The following FLG variants were observed in gnomAD, a reference collection of about 807,000 sequenced individuals.
FLG encodes the protein epidermal filaggrin.
A neutral mutation model predicts 3.8 loss-of-function variants in FLG; 6 were observed. The ratio of observed to expected loss-of-function variants is 1.60; its 90% CI spans 0.87 to 3.15. FLG has a LOEUF of 3.15. FLG is among the 30% of genes most tolerant of loss of function. The pLI, the probability that FLG is intolerant of heterozygous loss-of-function variation, is 0.00. For synonymous variants in FLG, 2,551 were observed against 1,931.6 expected, an observed-to-expected ratio of 1.32 and a Z score of -8.41; for missense variants, 7,595 against 5,050.9, an observed-to-expected ratio of 1.50 and a Z score of -15.27.
chr1:152,312,510 A>G lies in FLG; in HGVS notation c.2376T>C (p.Ser792=). 1.2e-6 allele frequency: 2 copies of G among 1,613,454 alleles called. No individual in the cohort carries two copies. Among genetic ancestry groups the G allele is most frequent in the South Asian group, 1.1e-5 (1 of 91,004 alleles). ...TATGAGTGCTCACCTGGTAGAGGAA[A>G]GACCCTGAACGTCGAGACCTTTCCC... The part of the protein sequence containing the change: ...RSGERSRRSG[S]FLYQVSTHKQ... Residue 792 remains serine (S), a synonymous_variant, in exon 3 of 3, where the codon TCT becomes TCC. Transcript: ENST00000368799.
At position 152,312,645 on chromosome 1, in the gene FLG, G is replaced by A; in HGVS notation, c.2241C>T (p.Ala747=). 6.2e-7 allele frequency: 1 copy of A among 1,613,920 alleles called. No individual in the cohort carries two copies. The highest frequency in any genetic ancestry group is 1.1e-5 in the South Asian group (1 of 91,072). The part of the protein sequence containing the change: ...SGHRGSSGSQ[A]TDSEGHSEDS... Reference sequence around the variant, plus strand: ...CTTCTGAATGTCCCTCACTGTCAGTGGCCTGACTACCACTGGACCCTCGGT... The same window carrying A: ...CTTCTGAATGTCCCTCACTGTCAGTAGCCTGACTACCACTGGACCCTCGGT... The change falls in exon 3 of 3, where the codon GCC becomes GCT. Residue 747 remains alanine (A), a synonymous_variant. Transcript: ENST00000368799.
chr1:152,324,410 A>G (rs1203633981), intron 1 of FLG, among the ~76,000 whole-genome samples: 2 of 151,888 alleles, frequency 1.3e-5, no homozygotes, highest in Non-Finnish European at 2.9e-5. Flanking sequence ...AAGGCACACT[A>G]GCTTCTTTTT....
rs1277687189 is a variant in FLG at position 152,313,417 on chromosome 1, C to T, written c.1469G>A (p.Gly490Glu). Residue 490 changes from glycine (G) to glutamate (E), a missense_variant, in exon 3 of 3, where the codon GGA becomes GAA. Gly to Glu is a moderately conservative substitution (Grantham distance 98). Transcript: ENST00000368799. ...SAHGRTGTST[G>E]GRQGSHHEQA... ...CTCGTGGTGCGATCCTTGTCTTCCT[C>T]CAGTGCTGGTCCCGGTCCGTCCATG... 11 of 1,613,742 alleles carry T rather than the reference C, an allele frequency of 6.8e-6. No individual in the cohort carries two copies. Among genetic ancestry groups the T allele is most frequent in the African/African-American group, 1.3e-5 (1 of 74,824 alleles).
rs1274984639 is a variant in FLG, at chr1:152,304,480, G to A, written c.10406C>T (p.Ser3469Phe). Residue 3469 changes from serine to phenylalanine, a missense_variant, in exon 3 of 3, where the codon TCC becomes TTC. Physicochemically the swap from Ser to Phe is radical, Grantham distance 155. Coordinates refer to ENST00000368799, the MANE Select transcript of FLG (RefSeq NM_002016.2). ...ACGGGAGGCATCAGACCTTCCCTGG[G>A]ATGTGGTGTGGCTGTGATGGGACCC... ...HSGSHHSHTT[S>F]QGRSDASRGQ... 1.2e-6 allele frequency: 2 copies of A among 1,612,880 alleles called. No homozygotes were observed. The highest frequency in any genetic ancestry group is 1.7e-6 in the Non-Finnish European group (2 of 1,179,640).
chr1:152,314,768 G>C (rs543139174), intron 2 of FLG, 21 bp from the exon 3 acceptor site: 1 of 1,613,838 alleles, frequency 6.2e-7, no homozygotes, highest in African/African-American at 1.3e-5. Flanking sequence ...GGAAGTCACA[G>C]AGGGAGACTG....
At chr1:152,321,237 A>G (rs1652960316) in intron 1 of FLG, among the ~76,000 whole-genome samples, 1 of 150,900 alleles carries the variant, frequency 6.6e-6, no homozygotes, top group Non-Finnish European at 1.5e-5. Flanking sequence ...TATGTATATG[A>G]AAGACTGAAA....
chr1:152,310,119 G>A lies in FLG; in HGVS notation c.4767C>T (p.Arg1589=), dbSNP rs368218057. 4.3e-6 allele frequency: 7 copies of A among 1,613,918 alleles called. No homozygotes were observed. The Admixed American group carries it at 6.7e-5, about 15-fold the overall frequency. The change falls in exon 3 of 3, where the codon CGC becomes CGT. Residue 1589 remains arginine, a synonymous_variant. Transcript: ENST00000368799. ...TGTCCTGACTAACACTGGATCCCTGGCGCCTGCTTGTCTTGGACCCCGCTG... is the reference window on the plus strand; with the variant it reads ...TGTCCTGACTAACACTGGATCCCTGACGCCTGCTTGTCTTGGACCCCGCTG... ...GESAGSKTSR[R]QGSSVSQDRD...
Position 152,311,334 on chromosome 1 carries a change from C to A in FLG, c.3552G>T (p.Ser1184=). The A allele has an allele frequency of 1.9e-6, 3 of 1,613,720 alleles. No individual in the cohort carries two copies. Among genetic ancestry groups the A allele is most frequent in the African/African-American group, 1.3e-5 (1 of 74,868 alleles). ...ACCCTGAGTGTCCAGATCTATCTAC[C>A]GATTGCTCATGGTGGGATCCCTGCC... ...GGRQGSHHEQ[S]VDRSGHSGSH... is the part of the protein sequence containing the mutation. Residue 1184 remains serine, a synonymous_variant, in exon 3 of 3, where the codon TCG becomes TCT. Coordinates refer to ENST00000368799, the MANE Select transcript of FLG (RefSeq NM_002016.2).
Position 152,320,255 on chromosome 1 carries a change from T to C in FLG, c.-21-4778A>G, listed in dbSNP as rs372918332. Reference sequence around the variant, plus strand: ...TAGTAGAAACCAAGTAGTAATATTGTAGAGATGTAAACCAAATAGTTCCAT... The same window carrying C: ...TAGTAGAAACCAAGTAGTAATATTGCAGAGATGTAAACCAAATAGTTCCAT... On this transcript the variant is annotated intron_variant, in intron 1 of 2. Transcript: ENST00000368799. Among the ~76,000 whole-genome samples the C allele has an allele frequency of 4.0e-5, 6 of 151,092 alleles. 1 individual carries two copies. The East Asian group carries it at 5.8e-4, about 15-fold the overall frequency.
Position 152,314,702 on chromosome 1 carries a change from C to A in FLG, c.184G>T (p.Asp62Tyr). ...DMVDVFMDHL[D>Y]IDHNKKIDFT... ...TCAATTTTCTTGTTGTGGTCTATAT[C>A]CAAGTGATCCATGAAGACATCAACC... Residue 62 changes from aspartate (D) to tyrosine (Y), a missense_variant, in exon 3 of 3, where the codon GAT becomes TAT. Transcript: ENST00000368799. The A allele has an allele frequency of 6.2e-7, 1 of 1,613,906 alleles. No homozygotes were observed. The highest frequency in any genetic ancestry group is 2.2e-5 in the East Asian group (1 of 44,844).
rs753393394 is a variant in FLG at position 152,309,948 on chromosome 1, A to G, written c.4938T>C (p.Ser1646=). 1 of 1,614,030 alleles carries G rather than the reference A, an allele frequency of 6.2e-7. No homozygotes were observed. Among genetic ancestry groups the G allele is most frequent in the Admixed American group, 1.7e-5 (1 of 60,020 alleles). Residue 1646 remains serine (S), a synonymous_variant, in exon 3 of 3, where the codon TCT becomes TCC. Transcript: ENST00000368799. ...TGCCTGATTGTCTGGAGCTCTCTGC[A>G]GAGTGCCCATGACTGGCTCTATCTT... ...HQEDRASHGH[S]AESSRQSGTR...
rs147145635 is a variant in FLG, at chr1:152,312,152, G to A, written c.2734C>T (p.Arg912Cys). The change falls in exon 3 of 3, where the codon CGT becomes TGT. Residue 912 changes from arginine (R) to cysteine (C), a missense_variant. Arg to Cys is a radical substitution (Grantham distance 180, BLOSUM62 -3). Transcript: ENST00000368799. Reference protein sequence around the residue: ...SRDGSRHSGSRHHEASSHADI... With the variant: ...SRDGSRHSGSCHHEASSHADI... ...GCATGAGAGGAAGCTTCATGGTGAC[G>A]TGACCCTGAGTGCCTGGAGCCGTCT... 1,262 of 1,614,004 alleles carry A rather than the reference G, an allele frequency of 7.8e-4. 13 individuals are homozygous for A. Among genetic ancestry groups the A allele is most frequent in the African/African-American group, 3.1e-4 (23 of 75,002 alleles).
In FLG at chr1:152,303,790, C is replaced by T. The variant is rs754536597; in HGVS notation, c.11096G>A (p.Arg3699Gln). The change falls in exon 3 of 3, where the codon CGG (arginine) becomes CAG (glutamine). Residue 3699 changes from arginine (R) to glutamine (Q), a missense_variant. Coordinates refer to ENST00000368799, the MANE Select transcript of FLG (RefSeq NM_002016.2). ...QQSHQESTRG[R>Q]SAGRSGRSGS... is the part of the protein sequence containing the mutation. ...TGAACGTCCAGACCTTCCTGCTGAC[C>T]GGCCACGTGTGGACTCTTGGTGGCT... is the stretch of plus-strand genomic sequence containing the variant. 8.7e-5 allele frequency: 140 copies of T among 1,613,400 alleles called. 1 individual carries two copies. The highest frequency in any genetic ancestry group is 1.0e-4 in the Non-Finnish European group (123 of 1,179,838).
In FLG at chr1:152,309,693, T is replaced by C. The variant is rs201298276; in HGVS notation, c.5193A>G (p.Thr1731=). 1.9e-6 allele frequency: 3 copies of C among 1,613,908 alleles called. No homozygotes were observed. The African/African-American group carries it at 4.0e-5, about 22-fold the overall frequency. ...CCTGTCCGTGGGCTGACACTGACTG[T>C]GTGTCTGACTCTTCTGAGTGTCCCT... ...DSEGHSEESD[T]QSVSAHGQAG... is the part of the protein sequence containing the mutation. Residue 1731 remains threonine, a synonymous_variant, in exon 3 of 3, where the codon ACA becomes ACG. Transcript: ENST00000368799.
In FLG at chr1:152,312,683, T is replaced by C; in HGVS notation, c.2203A>G (p.Arg735Gly). The change falls in exon 3 of 3, where the codon AGA (arginine) becomes GGA (glycine). Residue 735 changes from arginine to glycine, a missense_variant. Transcript: ENST00000368799. Reference sequence around the variant, plus strand: ...CTGGACCCTCGGTGTCCACTGTCTCTGACTGCAGATGAAGCTTGTCCGTGC... The same window carrying C: ...CTGGACCCTCGGTGTCCACTGTCTCCGACTGCAGATGAAGCTTGTCCGTGC... ...TGHGQASSAV[R>G]DSGHRGSSGS... The C allele has an allele frequency of 6.2e-7, 1 of 1,614,014 alleles. No individual in the cohort carries two copies. Among genetic ancestry groups the C allele is most frequent in the Non-Finnish European group, 8.5e-7 (1 of 1,179,988 alleles).
In FLG at chr1:152,312,414, C is replaced by G. The variant is rs1420786582; in HGVS notation, c.2472G>C (p.Gln824His). The change falls in exon 3 of 3, where the codon CAG (glutamine) becomes CAC (histidine). Residue 824 changes from glutamine (Q) to histidine (H), a missense_variant. Gln to His is a conservative substitution (Grantham distance 24). Coordinates refer to ENST00000368799, the MANE Select transcript of FLG (RefSeq NM_002016.2). ...CTGAGTGCCTGGAGTTGTCTCGTGC[C>G]TGCTCATGGTGGGATCCTTGTCTTA... ...TGVRQGSHHE[Q>H]ARDNSRHSAS... 10 of 1,613,326 alleles carry G rather than the reference C, an allele frequency of 6.2e-6. No individual in the cohort carries two copies. In the East Asian group the frequency reaches 2.2e-4, roughly 36 times the overall value.
chr1:152,312,350 C>T lies in FLG; in HGVS notation c.2536G>A (p.Gly846Arg), dbSNP rs769619132. The T allele has an allele frequency of 1.2e-6, 2 of 1,611,920 alleles. No homozygotes were observed. Among genetic ancestry groups the T allele is most frequent in the Admixed American group, 3.4e-5 (2 of 59,606 alleles). Residue 846 changes from glycine to arginine, a missense_variant, in exon 3 of 3, where the codon GGG becomes AGG. By Grantham distance (125) the Gly-to-Arg change is moderately radical. Coordinates refer to ENST00000368799, the MANE Select transcript of FLG (RefSeq NM_002016.2). The stretch of plus-strand genomic sequence containing the variant: ...CCCTGCCTTCCTCTTCTGCTTGACC[C>T]CGGGTGTCCACGAATGGTGTCCTGA... ...DGQDTIRGHP[G>R]SSRRGRQGSH...
rs146017726 is a variant in FLG at position 152,305,139 on chromosome 1, G to A, written c.9747C>T (p.His3249=). The A allele has an allele frequency of 3.9e-3, 6,363 of 1,613,680 alleles. 41 individuals carry two copies. Among genetic ancestry groups the A allele is most frequent in the Non-Finnish European group, 4.5e-3 (5,289 of 1,179,864 alleles). ...GATGGGACCTGGGGTGTCTGGAGCC[G>A]TGCCTTGACTGCTCCTGAACAGATC... ...HRGSVQEQSR[H]GSRHPRSHHE... The change falls in exon 3 of 3, where the codon CAC becomes CAT. Residue 3249 remains histidine, a synonymous_variant. Transcript: ENST00000368799.
rs754509484 is a variant in FLG, at chr1:152,304,806, C to A, written c.10080G>T (p.Gln3360His). The A allele has an allele frequency of 2.5e-5, 41 of 1,613,828 alleles. No homozygotes were observed. In the South Asian group the frequency reaches 4.3e-4, roughly 17 times the overall value. Residue 3360 changes from glutamine to histidine, a missense_variant, in exon 3 of 3, where the codon CAG becomes CAT. Gln to His is a conservative substitution (Grantham distance 24, BLOSUM62 0). Coordinates refer to ENST00000368799, the MANE Select transcript of FLG (RefSeq NM_002016.2). ...GGTGGCTCTGCTGATGGGGCCCAGC[C>A]TGTCCATGGCCTGACACTGACTGTG... ...SDTQSVSGHG[Q>H]AGPHQQSHQE...
Sources: allele counts gnomAD v4.1 joint callset (sites outside exome capture counted in the v4.1 genomes callset), GRCh38; gene constraint gnomAD v4.1.1; transcripts MANE v1.5; gene names NCBI Gene and HGNC (gene_info 2026-07-23, HGNC 2026-07-21).